RAB11FIP3: variants seen among roughly 807,000 people sequenced by gnomAD.
RAB11FIP3 encodes the protein rab11 family-interacting protein 3.
RAB11FIP3 carries 17 observed loss-of-function variants against 77.8 expected under a neutral mutation model. That is an observed-to-expected ratio of 0.22 (90% confidence interval 0.15 to 0.33). The LOEUF (loss-of-function observed/expected upper bound fraction) is 0.33. Ranked by LOEUF, RAB11FIP3 falls within the 10% of genes least tolerant of loss-of-function variation. RAB11FIP3 has a pLI of 1.00. For synonymous variants in RAB11FIP3, 437 were observed against 448.2 expected, an observed-to-expected ratio of 0.98 and a Z score of 0.31; for missense variants, 1,005 against 1,011.2, an observed-to-expected ratio of 0.99 and a Z score of 0.08.
chr16:513,129 ATAT>A (rs2032259654), intron 9 of RAB11FIP3, among the ~76,000 whole-genome samples: 1 of 152,242 alleles, frequency 6.6e-6, no homozygotes, highest in Non-Finnish European at 1.5e-5. Flanking sequence ...GTAACTTAAA[ATAT>A]CTATAATCAG....
At chr16:427,007 G>A (rs2054958562) in intron 1 of RAB11FIP3, among the ~76,000 whole-genome samples, 1 of 151,926 alleles carries the variant, frequency 6.6e-6, no homozygotes, top group Non-Finnish European at 1.5e-5. Context: ...CTCCTCGCCT[G>A]GGGACACCCC....
intron 1 of RAB11FIP3, chr16:439,440 G>T (rs1264637795): frequency 6.6e-6 from 1 of 152,202 alleles, no homozygotes; most frequent in Non-Finnish European, 1.5e-5. Flanking sequence ...TTACCATCTT[G>T]TGATATTCTT....
intron 3 of RAB11FIP3, among the ~76,000 whole-genome samples, chr16:477,106 TAGTC>T (rs57940321): frequency 0.1 from 13,467 of 134,330 alleles, 674 homozygotes; most frequent in East Asian, 0.22. Context: ...AAAAAAAAAT[TAGTC>T]AGGCATTGTG....
At chr16:510,107 T>G (rs111258040) in intron 8 of RAB11FIP3, among the ~76,000 whole-genome samples, 63 of 111,938 alleles carry the variant, frequency 5.6e-4, no homozygotes, top group African/African-American at 1.6e-3. Flanking sequence ...CCGTCCCGAG[T>G]CCCCGTGCCT....
intron 3 of RAB11FIP3, among the ~76,000 whole-genome samples, chr16:481,443 G>A (rs996215855): frequency 2.0e-5 from 3 of 152,256 alleles, no homozygotes; most frequent in African/African-American, 4.8e-5. Flanking sequence ...CACAGGCCAC[G>A]TAGGTTGCAG....
chr16:468,112 G>A (rs1325762961), intron 2 of RAB11FIP3, among the ~76,000 whole-genome samples: 2 of 46,472 alleles, frequency 4.3e-5, no homozygotes. Context: ...GGAGGTGCTG[G>A]GGCCTCAGGG....
chr16:437,511 A>T (rs926724119), intron 1 of RAB11FIP3, among the ~76,000 whole-genome samples: 40 of 144,676 alleles, frequency 2.8e-4, no homozygotes, highest in Non-Finnish European at 5.3e-4. Flanking sequence ...CGGAGGTTGC[A>T]GTGAGCTGAG....
At position 520,846 on chromosome 16, in the gene RAB11FIP3, G is replaced by C; in HGVS notation, c.*7G>C. The C allele has an allele frequency of 8.1e-6, 13 of 1,611,402 alleles. No homozygotes were observed. The highest frequency in any genetic ancestry group is 1.1e-5 in the Non-Finnish European group (13 of 1,178,114). ...CATCCTGGAGGTCAAGTAGAGGCAG[G>C]AAGGTCCAGCCTGAGCTGGATTCGG... On this transcript the variant is annotated 3_prime_UTR_variant, in exon 14 of 14. Transcript: ENST00000262305.
At chr16:498,508 CTCTTT>C (rs1012269348) in intron 6 of RAB11FIP3, among the ~76,000 whole-genome samples, 1 of 152,098 alleles carries the variant, frequency 6.6e-6, no homozygotes, top group Non-Finnish European at 1.5e-5. Flanking sequence ...TGTTTCTCTT[CTCTTT>C]TCTTGGCTTT....
chr16:514,184 T>C lies in RAB11FIP3; in HGVS notation c.1640+3384T>C, dbSNP rs1267524049. 6.6e-6 allele frequency among the ~76,000 whole-genome samples: 1 copy of C among 151,830 alleles called. No homozygotes were observed. The highest frequency in any genetic ancestry group is 2.4e-5 in the African/African-American group (1 of 41,170). ...CTGGGCCTCCTGCAGCTTCCTGGAG[T>C]GGCCACCAGGAACCTTGTGGTTCTC... On this transcript the variant is annotated intron_variant, in intron 9 of 13. Coordinates refer to ENST00000262305, the MANE Select transcript of RAB11FIP3 (RefSeq NM_014700.4). This position sits in a 1 kb window ranked among gnomAD's most constrained non-coding sequence, Gnocchi z 4.6.
intron 9 of RAB11FIP3, among the ~76,000 whole-genome samples, chr16:511,977 T>A: frequency 9.3e-6 from 1 of 108,076 alleles, no homozygotes; most frequent in South Asian, 3.5e-4. Flanking sequence ...GAGAGGTTCC[T>A]GACAGCCCAC....
chr16:456,985 A>G (rs2055515215), intron 1 of RAB11FIP3, among the ~76,000 whole-genome samples: 1 of 151,794 alleles, frequency 6.6e-6, no homozygotes, highest in African/African-American at 2.4e-5. Context: ...ACGCTGGCCC[A>G]TGTGCTGATC....
chr16:503,178 G>A (rs746459176), intron 7 of RAB11FIP3, 81 bp downstream of exon 7: 3 of 1,173,726 alleles, frequency 2.6e-6, no homozygotes, highest in Non-Finnish European at 3.7e-6. Context: ...AGACACCCCG[G>A]GAGGTGGGGA....
intron 9 of RAB11FIP3, among the ~76,000 whole-genome samples, chr16:515,801 T>C (rs542728705): frequency 2.3e-3 from 344 of 152,194 alleles, no homozygotes; most frequent in Non-Finnish European, 4.1e-3. Context: ...TCTTGGTACA[T>C]GAAGGCTCAG....
Position 520,584 on chromosome 16 carries a change from C to T in RAB11FIP3, c.2142C>T (p.Ser714=), listed in dbSNP as rs757117503. The T allele has an allele frequency of 9.3e-6, 15 of 1,613,324 alleles. No individual in the cohort carries two copies. Among genetic ancestry groups the T allele is most frequent in the East Asian group, 8.9e-5 (4 of 44,896 alleles). ...AGTCCCTGGCTGCAGAGATCAGCTC[C>T]GTCTCCCGAGATGAGGTAACACATC... ...FSESLAAEIS[S]VSRDELMEAI... The change falls in exon 13 of 14, where the codon TCC becomes TCT. Residue 714 remains serine (S), a synonymous_variant. Coordinates refer to ENST00000262305, the MANE Select transcript of RAB11FIP3 (RefSeq NM_014700.4).
At chr16:429,832 G>A (rs1366760916) in intron 1 of RAB11FIP3, among the ~76,000 whole-genome samples, 1 of 152,110 alleles carries the variant, frequency 6.6e-6, no homozygotes, top group Non-Finnish European at 1.5e-5. Flanking sequence ...TTCAGAGGTA[G>A]CATATTGAGT....
rs992607104 is a variant in RAB11FIP3, at chr16:505,217, G to T, written c.1396-307G>T. The stretch of plus-strand genomic sequence containing the variant: ...TGGCTGAGCAGAGACCCAACTGTGT[G>T]TTGGGGGGCTGAGTCTTGCTGCCCA... On this transcript the variant is annotated intron_variant, in intron 7 of 13. Coordinates refer to ENST00000262305, the MANE Select transcript of RAB11FIP3 (RefSeq NM_014700.4). This position sits in a 1 kb window ranked among gnomAD's most constrained non-coding sequence, Gnocchi z 4.0. 3.3e-5 allele frequency among the ~76,000 whole-genome samples: 5 copies of T among 152,012 alleles called. No individual in the cohort carries two copies. Among genetic ancestry groups the T allele is most frequent in the African/African-American group, 1.2e-4 (5 of 41,398 alleles).
At chr16:511,355 C>T (rs1270832843) in intron 9 of RAB11FIP3, among the ~76,000 whole-genome samples, 1 of 123,544 alleles carries the variant, frequency 8.1e-6, no homozygotes. Context: ...CCTGACGGCC[C>T]GCCCACCCCA....
intron 4 of RAB11FIP3, among the ~76,000 whole-genome samples, chr16:483,364 G>A (rs1380929966): frequency 1.3e-5 from 2 of 152,194 alleles, no homozygotes; most frequent in Non-Finnish European, 2.9e-5. Context: ...ACCTGAAAAT[G>A]TAGTTCAGGC....
Sources: gnomAD v4.1 joint callset for allele counts (sites outside exome capture counted in the v4.1 genomes callset) on GRCh38, gnomAD v4.1.1 for gene constraint, Gnocchi (gnomAD v3.1) non-coding constraint, MANE v1.5 for transcripts, NCBI Gene and HGNC (gene_info 2026-07-23, HGNC 2026-07-21) for gene names.